Variants in BMPR1B observed in about 807,000 individuals in gnomAD.
The protein encoded by BMPR1B is bone morphogenetic protein receptor type-1B.
In BMPR1B, 12 loss-of-function variants were observed where a neutral mutation model predicts 59.1. That is an observed-to-expected ratio of 0.20 (90% CI 0.13 to 0.33). BMPR1B has a LOEUF of 0.33. BMPR1B is among the 10% of genes least tolerant of loss of function. The pLI is 1.00. For missense variants in BMPR1B, 550 were observed against 610.9 expected (o/e 0.90, Z 1.05); for synonymous variants, 237 against 207.3 (o/e 1.14, Z -1.23).
At chr4:94,869,162 T>G (rs901251013) in intron 1 of BMPR1B, among the ~76,000 whole-genome samples, 1 of 150,276 alleles carries the variant, frequency 6.7e-6, no homozygotes, top group Non-Finnish European at 1.5e-5. Context: ...AAAGGAAGAA[T>G]AATAATTTGT....
chr4:94,766,867 A>C (rs912664957), intron 1 of BMPR1B, among the ~76,000 whole-genome samples: 2 of 152,156 alleles, frequency 1.3e-5, no homozygotes, highest in African/African-American at 2.4e-5. Context: ...TTGGTAATCT[A>C]CATTTCAAAA....
chr4:94,779,226 A>C (rs2110583678), intron 1 of BMPR1B, among the ~76,000 whole-genome samples: 1 of 152,120 alleles, frequency 6.6e-6, no homozygotes, highest in South Asian at 2.1e-4. Context: ...TTTATGTATA[A>C]CCTATTGTCC....
intron 1 of BMPR1B, among the ~76,000 whole-genome samples, chr4:94,795,189 G>C (rs1723139560): frequency 6.8e-6 from 1 of 147,966 alleles, no homozygotes; most frequent in Non-Finnish European, 1.5e-5. Context: ...TTTGAAATAT[G>C]TCCCATCAAT....
At chr4:94,902,157 C>A (rs145815471) in intron 2 of BMPR1B, among the ~76,000 whole-genome samples, 2 of 127,506 alleles carry the variant, frequency 1.6e-5, no homozygotes, top group East Asian at 5.0e-4. Context: ...GTTTATGCTG[C>A]GAATATAGCA....
intron 3 of BMPR1B, among the ~76,000 whole-genome samples, chr4:95,081,117 CT>C (rs1228351978): frequency 6.6e-6 from 1 of 152,110 alleles, no homozygotes; most frequent in Non-Finnish European, 1.5e-5. Context: ...GCTTTTCTGT[CT>C]TTTGCTTGGC....
At chr4:95,122,870 T>A (rs1207613811) in intron 6 of BMPR1B, among the ~76,000 whole-genome samples, 1 of 152,160 alleles carries the variant, frequency 6.6e-6, no homozygotes, top group South Asian at 2.1e-4. Flanking sequence ...TACTACCTTT[T>A]AAAATTAAAT....
chr4:95,020,305 C>A (rs894920227), intron 3 of BMPR1B, among the ~76,000 whole-genome samples: 3 of 152,146 alleles, frequency 2.0e-5, no homozygotes, highest in Non-Finnish European at 4.4e-5. Flanking sequence ...ATCAACTGGG[C>A]GCAGTGGCTT....
At chr4:95,105,787 G>GT (rs926444234) in intron 4 of BMPR1B, among the ~76,000 whole-genome samples, 1 of 151,962 alleles carries the variant, frequency 6.6e-6, no homozygotes, top group African/African-American at 2.4e-5. Flanking sequence ...CCAAAGCTCA[G>GT]TTTTTTCCAG....
rs904804916 is a variant in BMPR1B, at chr4:95,034,870, G to A, written c.-18+38736G>A. Reference sequence around the variant, plus strand: ...GAATTTCCATAGTGTCTTCTATAGCGGTTGTACTAGTTTACATTCTCACCA... The same window carrying A: ...GAATTTCCATAGTGTCTTCTATAGCAGTTGTACTAGTTTACATTCTCACCA... On this transcript the variant is annotated intron_variant, in intron 3 of 12. Transcript: ENST00000515059. Among the ~76,000 whole-genome samples the A allele has an allele frequency of 6.6e-5, 10 of 151,934 alleles. 1 individual carries two copies. The highest frequency in any genetic ancestry group is 2.1e-4 in the South Asian group (1 of 4,810).
intron 2 of BMPR1B, among the ~76,000 whole-genome samples, chr4:94,887,465 A>G (rs2148986398): frequency 1.3e-5 from 2 of 150,604 alleles, no homozygotes; most frequent in Middle Eastern, 6.8e-3. Context: ...TAAACATTTA[A>G]ATATACTCAA....
chr4:94,798,565 C>T (rs1004573162), intron 1 of BMPR1B, among the ~76,000 whole-genome samples: 28 of 152,186 alleles, frequency 1.8e-4, no homozygotes, highest in African/African-American at 6.3e-4. Context: ...CTCCCACGGA[C>T]GTTTACTCAG....
At chr4:95,103,628 A>C (rs1259899863) in intron 3 of BMPR1B, 1 of 386,824 alleles carries the variant, frequency 2.6e-6, no homozygotes. Context: ...ATGAGTCACA[A>C]GATTATTTAT....
At chr4:94,764,555 A>G (rs1024754185) in intron 1 of BMPR1B, among the ~76,000 whole-genome samples, 4 of 152,150 alleles carry the variant, frequency 2.6e-5, no homozygotes, top group East Asian at 1.9e-4. Context: ...AGCTGTGTCA[A>G]TTAAAGTCCT....
intron 3 of BMPR1B, among the ~76,000 whole-genome samples, chr4:95,075,383 T>G (rs1195222538): frequency 6.6e-6 from 1 of 152,196 alleles, no homozygotes; most frequent in African/African-American, 2.4e-5. Context: ...GTTGGTCTGT[T>G]TTTTAGATGC....
intron 2 of BMPR1B, among the ~76,000 whole-genome samples, chr4:94,986,548 T>C (rs965830759): frequency 6.6e-6 from 1 of 152,210 alleles, no homozygotes; most frequent in Non-Finnish European, 1.5e-5. Context: ...TTAGTCCTTT[T>C]TTTTTCATTA....
chr4:94,986,641 T>A (rs1721424012), intron 2 of BMPR1B, among the ~76,000 whole-genome samples: 1 of 152,200 alleles, frequency 6.6e-6, no homozygotes, highest in South Asian at 2.1e-4. Context: ...AACCACATTT[T>A]ATATGTGAAC....
intron 2 of BMPR1B, among the ~76,000 whole-genome samples, chr4:94,914,513 G>T (rs1578796636): frequency 1.3e-5 from 2 of 152,110 alleles, no homozygotes; most frequent in African/African-American, 4.8e-5. Flanking sequence ...ATAAGCTGAG[G>T]AACTGCAGTG....
chr4:95,009,949 G>C (rs1009674879), intron 3 of BMPR1B, among the ~76,000 whole-genome samples: 1 of 152,144 alleles, frequency 6.6e-6, no homozygotes, highest in South Asian at 2.1e-4. Context: ...TAGTACAACC[G>C]AGCGAGACCA....
chr4:94,973,970 A>G (rs1730912424), intron 2 of BMPR1B, among the ~76,000 whole-genome samples: 1 of 152,232 alleles, frequency 6.6e-6, no homozygotes. Flanking sequence ...TAAAGACTCC[A>G]GTCATATATC....
Sources: gnomAD v4.1 joint callset for allele counts (sites outside exome capture counted in the v4.1 genomes callset) on GRCh38, gnomAD v4.1.1 for gene constraint, MANE v1.5 for transcripts, NCBI Gene and HGNC (gene_info 2026-07-23, HGNC 2026-07-21) for gene names.